The following IQCM variants were observed in gnomAD, a reference collection of about 807,000 sequenced individuals.
The protein encoded by IQCM is IQ domain-containing protein M.
Under a neutral mutation model 57.6 loss-of-function variants are expected in IQCM, and 45 were observed. The ratio of observed to expected loss-of-function variants is 0.78; its 90% CI spans 0.62 to 1.00. The LOEUF (loss-of-function observed/expected upper bound fraction) is 1.00, where lower values mean the gene tolerates loss of function less well. Among genes scored for constraint, IQCM ranks in the 50% least tolerant of loss-of-function variants. The pLI, the probability that IQCM is intolerant of heterozygous loss-of-function variation, is 0.00. For synonymous variants in IQCM, 148 were observed against 158.9 expected, an observed-to-expected ratio of 0.93 and a Z score of 0.51; for missense variants, 468 against 511.6, an observed-to-expected ratio of 0.91 and a Z score of 0.82.
intron 5 of IQCM, chr4:149,691,868 A>G (rs979680876): frequency 6.6e-6 from 1 of 152,208 alleles, no homozygotes; most frequent in African/African-American, 2.4e-5. Context: ...ACATTATGAA[A>G]CTAAATTTTC....
intron 8 of IQCM, among the ~76,000 whole-genome samples, chr4:149,609,141 T>C (rs1369987801): frequency 6.6e-6 from 1 of 151,430 alleles, no homozygotes; most frequent in Non-Finnish European, 1.5e-5. Flanking sequence ...GGAAAGCCTA[T>C]AAAATGGATA....
intron 13 of IQCM, among the ~76,000 whole-genome samples, chr4:149,412,602 G>C (rs1364185774): frequency 6.6e-6 from 1 of 152,172 alleles, no homozygotes; most frequent in Non-Finnish European, 1.5e-5. Context: ...GCTGTAGATA[G>C]AAAGATTAAT....
intron 7 of IQCM, among the ~76,000 whole-genome samples, chr4:149,650,941 C>A (rs961397132): frequency 5.9e-5 from 9 of 151,996 alleles, no homozygotes; most frequent in Non-Finnish European, 1.0e-4. Flanking sequence ...TTGTAAATTG[C>A]GGAGGAAAAA....
intron 9 of IQCM, among the ~76,000 whole-genome samples, chr4:149,568,911 G>A (rs1347743057): frequency 6.6e-6 from 1 of 152,180 alleles, no homozygotes; most frequent in Non-Finnish European, 1.5e-5. Context: ...TACTCATCAA[G>A]AGGTGGAGTC....
intron 13 of IQCM, among the ~76,000 whole-genome samples, chr4:149,403,777 C>T (rs1228692984): frequency 6.6e-6 from 1 of 151,728 alleles, no homozygotes; most frequent in Non-Finnish European, 1.5e-5. Context: ...TTATAATGTC[C>T]CTATGTGTGC....
At chr4:149,764,596 G>A (rs1043771941) in intron 2 of IQCM, among the ~76,000 whole-genome samples, 3 of 152,056 alleles carry the variant, frequency 2.0e-5, no homozygotes, top group African/African-American at 7.2e-5. Context: ...CTGCATATGT[G>A]TGCACATCAA....
Position 149,580,413 on chromosome 4 carries a change from C to T in IQCM, c.749+7517G>A, listed in dbSNP as rs111404035. ...GGATGTTGGGTGAGGACTTAACAAA[C>T]GAAGCAGTGGTGCCAAGAGCCAGAA... On this transcript the variant is annotated intron_variant, in intron 9 of 13. Transcript: ENST00000636793. Among the ~76,000 whole-genome samples, 321 of 151,884 alleles carry T rather than the reference C, an allele frequency of 2.1e-3. 1 individual carries two copies. Among genetic ancestry groups the T allele is most frequent in the African/African-American group, 7.0e-3 (290 of 41,486 alleles).
At chr4:149,406,444 C>A (rs1362995909) in intron 13 of IQCM, among the ~76,000 whole-genome samples, 20 of 152,022 alleles carry the variant, frequency 1.3e-4, no homozygotes. Context: ...GAGCGGACAT[C>A]ACATATGAAG....
chr4:149,715,082 G>A (rs1764876053), intron 5 of IQCM, among the ~76,000 whole-genome samples: 1 of 152,236 alleles, frequency 6.6e-6, no homozygotes, highest in African/African-American at 2.4e-5. Context: ...AGAGACTACT[G>A]TCATGGGATC....
chr4:149,378,822 G>A (rs905966280), intron 13 of IQCM, among the ~76,000 whole-genome samples: 5 of 152,174 alleles, frequency 3.3e-5, no homozygotes, highest in Admixed American at 2.0e-4. Flanking sequence ...ACACTATGGG[G>A]AGAATGTCTC....
intron 13 of IQCM, among the ~76,000 whole-genome samples, chr4:149,393,672 G>A (rs759434735): frequency 2.3e-4 from 35 of 151,746 alleles, no homozygotes; most frequent in African/African-American, 5.6e-4. Context: ...CAAAAACGGC[G>A]GCAATGATAG....
chr4:149,505,142 C>A (rs1009320926), intron 12 of IQCM, among the ~76,000 whole-genome samples: 30 of 151,998 alleles, frequency 2.0e-4, no homozygotes, highest in African/African-American at 5.6e-4. Flanking sequence ...GCTCAGATCC[C>A]TATTATTATG....
At chr4:149,625,778 G>T (rs975293997) in intron 7 of IQCM, among the ~76,000 whole-genome samples, 2 of 152,098 alleles carry the variant, frequency 1.3e-5, no homozygotes, top group African/African-American at 2.4e-5. Context: ...AGGGCTTCCT[G>T]CTTCTACTGT....
rs1766651844 is a variant in IQCM, at chr4:149,733,448, C to T, written c.181G>A (p.Gly61Ser). ...FRKKHQKPKS[G>S]KYIPLEIDKK... is the part of the protein sequence containing the mutation. Reference sequence around the variant, plus strand: ...TCAATCTCCAAAGGTATGTATTTGCCAGATTTCGGTTTTTGGTGTTTCTTT... The same window carrying T: ...TCAATCTCCAAAGGTATGTATTTGCTAGATTTCGGTTTTTGGTGTTTCTTT... The change falls in exon 5 of 14, where the codon GGC becomes AGC. Residue 61 changes from glycine (G) to serine (S), a missense_variant. Transcript: ENST00000636793. 1.1e-5 allele frequency: 13 copies of T among 1,231,724 alleles called. No individual in the cohort carries two copies. Among genetic ancestry groups the T allele is most frequent in the Non-Finnish European group, 1.3e-5 (13 of 987,682 alleles). 76.3% of individuals were successfully genotyped at this position (1,231,724 alleles called of 1,614,324 possible). A position where few individuals can be genotyped will look rare whatever the true frequency, so the allele number is the denominator to read the frequency against.
At chr4:149,772,631 A>G (rs1770696033) in intron 2 of IQCM, among the ~76,000 whole-genome samples, 1 of 152,210 alleles carries the variant, frequency 6.6e-6, no homozygotes, top group Non-Finnish European at 1.5e-5. Flanking sequence ...TAGAGAAACT[A>G]ATTTGTATAA....
intron 5 of IQCM, among the ~76,000 whole-genome samples, chr4:149,701,431 G>A (rs1018525593): frequency 3.9e-5 from 6 of 151,982 alleles, no homozygotes; most frequent in Non-Finnish European, 5.9e-5. Context: ...GGGCAGGGCC[G>A]CTAAACATAG....
chr4:149,505,958 G>A (rs115997837), intron 12 of IQCM, among the ~76,000 whole-genome samples: 40 of 152,298 alleles, frequency 2.6e-4, no homozygotes, highest in African/African-American at 8.9e-4. Context: ...TTAAGGAAAG[G>A]TCCTGGATAC....
intron 12 of IQCM, among the ~76,000 whole-genome samples, chr4:149,542,524 G>T (rs1473105179): frequency 6.6e-6 from 1 of 151,976 alleles, no homozygotes; most frequent in Non-Finnish European, 1.5e-5. Context: ...GCTTAGAAAA[G>T]TCTCTTTCTA....
At chr4:149,463,847 C>T (rs890690718) in intron 12 of IQCM, among the ~76,000 whole-genome samples, 1 of 151,918 alleles carries the variant, frequency 6.6e-6, no homozygotes, top group Non-Finnish European at 1.5e-5. Context: ...ATTGTCATAC[C>T]AGATGTTCAA....
Sources: allele counts gnomAD v4.1 joint callset (sites outside exome capture counted in the v4.1 genomes callset), GRCh38; gene constraint gnomAD v4.1.1; transcripts MANE v1.5; gene names NCBI Gene and HGNC (gene_info 2026-07-23, HGNC 2026-07-21).